Variants in MACF1 observed in about 807,000 individuals in gnomAD.
The protein encoded by MACF1 is microtubule-actin cross-linking factor 1.
A neutral mutation model predicts 854.8 loss-of-function variants in MACF1; 193 were observed. The ratio of observed to expected loss-of-function variants is 0.23; its 90% CI spans 0.20 to 0.25. The LOEUF (loss-of-function observed/expected upper bound fraction) is 0.25, where lower values mean the gene tolerates loss of function less well. MACF1 is among the 10% of genes least tolerant of loss of function. MACF1 has a pLI of 1.00. For synonymous variants in MACF1, 3,185 were observed against 3,226.7 expected (o/e 0.99, Z 0.44); for missense variants, 7,722 against 8,929.1 (o/e 0.86, Z 5.45).
chr1:39,153,320 C>T (rs1366219354), intron 2 of MACF1, among the ~76,000 whole-genome samples: 1 of 152,158 alleles, frequency 6.6e-6, no homozygotes, highest in Admixed American at 6.5e-5. Context: ...GGGCTAGAAT[C>T]TGAGGTCCTA....
At chr1:39,485,514 TG>T in intron 100 of MACF1, 23 bp from the exon 101 acceptor site, 4 of 1,591,064 alleles carry the variant, frequency 2.5e-6, no homozygotes, top group Non-Finnish European at 3.4e-6. Context: ...CTATTAAGTC[TG>T]CTGTTTTATT....
intron 2 of MACF1, among the ~76,000 whole-genome samples, chr1:39,136,074 C>A (rs1242982879): frequency 1.3e-5 from 2 of 152,164 alleles, no homozygotes; most frequent in Non-Finnish European, 2.9e-5. Flanking sequence ...TACACACACA[C>A]AAATATCCCA....
In MACF1 at chr1:39,347,065, A is replaced by T. The variant is rs780741312; in HGVS notation, c.10670A>T (p.Asp3557Val). ...IQFFISEHAQ[D>V]LSPQQNRQML... ...TTCTTTATCTCAGAACATGCCCAGG[A>T]CTTGTCCCCTCAGCAGAATCGACAG... Residue 3557 changes from aspartate to valine, a missense_variant, in exon 41 of 101, where the codon GAC becomes GTC. Physicochemically the swap from Asp to Val is radical, Grantham distance 152. Around this residue, in one of 15 missense-constraint regions of MACF1, gnomAD observed 854 missense variants for 852.6 expected, o/e 1.00. Coordinates refer to ENST00000564288, the MANE Select transcript of MACF1 (RefSeq NM_001394062.1). 6.2e-7 allele frequency: 1 copy of T among 1,614,118 alleles called. No individual in the cohort carries two copies. Among genetic ancestry groups the T allele is most frequent in the Non-Finnish European group, 8.5e-7 (1 of 1,179,976 alleles).
intron 70 of MACF1, 159 bp from the exon 71 acceptor site, chr1:39,437,618 A>G: frequency 1.5e-6 from 1 of 687,498 alleles, no homozygotes; most frequent in Non-Finnish European, 2.6e-6. Context: ...GGCCCAAAAC[A>G]GTTTCTTAAC....
At chr1:39,106,007 G>C (rs775823703) in intron 2 of MACF1, among the ~76,000 whole-genome samples, 1 of 152,240 alleles carries the variant, frequency 6.6e-6, no homozygotes, top group Non-Finnish European at 1.5e-5. Flanking sequence ...CCTGGAGACC[G>C]GCCGCCGTGG....
At chr1:39,234,101 TG>T (rs1297581714) in intron 2 of MACF1, among the ~76,000 whole-genome samples, 68 of 147,882 alleles carry the variant, frequency 4.6e-4, no homozygotes, top group African/African-American at 1.4e-3. Context: ...AGCACAGGGT[TG>T]GGGGTAAGGT....
At chr1:39,307,072 A>T (rs1396740187) in intron 23 of MACF1, among the ~76,000 whole-genome samples, 1 of 151,652 alleles carries the variant, frequency 6.6e-6, no homozygotes, top group Non-Finnish European at 1.5e-5. Context: ...ACAGGGTTTC[A>T]CCATGTTGGC....
chr1:39,459,235 G>C lies in MACF1; in HGVS notation c.21346G>C (p.Asp7116His). 3 of 1,613,466 alleles carry C rather than the reference G, an allele frequency of 1.9e-6. No homozygotes were observed. Among genetic ancestry groups the C allele is most frequent in the Non-Finnish European group, 2.5e-6 (3 of 1,179,740 alleles). The change falls in exon 91 of 101, where the codon GAT becomes CAT. Residue 7116 changes from aspartate (D) to histidine (H), a missense_variant. Physicochemically the swap from Asp to His is moderately conservative, Grantham distance 81. This residue lies in a region of MACF1 where 729 missense variants were observed against 900.5 expected (regional missense o/e 0.81). Transcript: ENST00000564288. ...GCAAAGGAAACTGAATGATGCCTTGGATCGGCTGGAGGAGGTAATGCCCTG... is the reference window on the plus strand; with the variant it reads ...GCAAAGGAAACTGAATGATGCCTTGCATCGGCTGGAGGAGGTAATGCCCTG... ...ERQRKLNDAL[D>H]RLEELKEFAN...
At chr1:39,196,192 G>T (rs371747989) in intron 2 of MACF1, among the ~76,000 whole-genome samples, 1 of 152,160 alleles carries the variant, frequency 6.6e-6, no homozygotes, top group Non-Finnish European at 1.5e-5. Context: ...ATACATAGTA[G>T]TATGGATTTA....
intron 18 of MACF1, among the ~76,000 whole-genome samples, chr1:39,294,208 G>C (rs775453518): frequency 6.6e-6 from 1 of 151,960 alleles, no homozygotes; most frequent in South Asian, 2.1e-4. Context: ...CAATCTCTTC[G>C]TTTGTAAAAA....
rs1646080483 is a variant in MACF1 at position 39,302,928 on chromosome 1, C to G, written c.2639C>G (p.Thr880Ser). 6.2e-7 allele frequency: 1 copy of G among 1,613,620 alleles called. No individual in the cohort carries two copies. Among genetic ancestry groups the G allele is most frequent in the Non-Finnish European group, 8.5e-7 (1 of 1,179,620 alleles). Residue 880 changes from threonine (T) to serine (S), a missense_variant, in exon 23 of 101, where the codon ACT becomes AGT. Thr to Ser is a moderately conservative substitution (Grantham distance 58). Transcript: ENST00000564288. ...AVCDYRQIEITICKNDECVLE... is the reference protein window; with the variant it reads ...AVCDYRQIEISICKNDECVLE... The stretch of plus-strand genomic sequence containing the variant: ...CTGGTAAATTTATCTCTTCAGATTA[C>G]TATTTGCAAAAATGATGAATGTGTG...
At chr1:39,090,734 A>G (rs1328368867) in intron 2 of MACF1, among the ~76,000 whole-genome samples, 1 of 152,236 alleles carries the variant, frequency 6.6e-6, no homozygotes, top group Non-Finnish European at 1.5e-5. Context: ...GTGGAAGGCC[A>G]TCATTTCTCA....
chr1:39,389,005 A>G (rs1369303361), intron 58 of MACF1, among the ~76,000 whole-genome samples: 2 of 150,186 alleles, frequency 1.3e-5, no homozygotes, highest in East Asian at 3.9e-4. Flanking sequence ...CAGTCTCCCA[A>G]GGAGCTGGGA....
intron 2 of MACF1, among the ~76,000 whole-genome samples, chr1:39,092,845 G>T (rs1049649559): frequency 1.3e-5 from 2 of 151,342 alleles, no homozygotes; most frequent in East Asian, 3.9e-4. Flanking sequence ...GTGCTGTGGT[G>T]CCATCTCAGC....
chr1:39,112,324 T>A (rs1383487563), intron 2 of MACF1, among the ~76,000 whole-genome samples: 1 of 152,106 alleles, frequency 6.6e-6, no homozygotes, highest in African/African-American at 2.4e-5. Context: ...GACTTTGTGA[T>A]CTGCCCTCCT....
rs754189940 is a variant in MACF1 at position 39,430,778 on chromosome 1, T to C, written c.17207T>C (p.Leu5736Pro). ...GAGGTGAGCCGTGCTCTCTTAGAGC[T>C]GGTGCCCTGGAGAGCCAGAGAAGGG... ...VNEVSRALLE[L>P]VPWRAREGLD... Residue 5736 changes from leucine to proline, a missense_variant, in exon 66 of 101, where the codon CTG becomes CCG. By Grantham distance (98) the Leu-to-Pro change is moderately conservative. Coordinates refer to ENST00000564288, the MANE Select transcript of MACF1 (RefSeq NM_001394062.1). The C allele has an allele frequency of 9.3e-6, 15 of 1,612,494 alleles. No individual in the cohort carries two copies. In the East Asian group the frequency reaches 3.3e-4, roughly 36 times the overall value.
Position 39,336,047 on chromosome 1 carries a change from G to A in MACF1, c.9459G>A (p.Ser3153=), listed in dbSNP as rs752005407. The A allele has an allele frequency of 1.4e-5, 23 of 1,613,840 alleles. No homozygotes were observed. The highest frequency in any genetic ancestry group is 1.3e-4 in the East Asian group (6 of 44,894). Residue 3153 remains serine, a synonymous_variant, in exon 37 of 101, where the codon TCG becomes TCA. Coordinates refer to ENST00000564288, the MANE Select transcript of MACF1 (RefSeq NM_001394062.1). ...ACTATCAAGATTCCTGGGTTACTTC[G>A]AAAACTAAGGAAACCAAACATCAAA... ...ETNYQDSWVT[S]KTKETKHQIS...
At chr1:39,353,914 A>G (rs1166251429) in intron 44 of MACF1, among the ~76,000 whole-genome samples, 1 of 152,132 alleles carries the variant, frequency 6.6e-6, no homozygotes, top group Non-Finnish European at 1.5e-5. Context: ...GTCTGCTTTC[A>G]CTGTTATTAT....
intron 2 of MACF1, among the ~76,000 whole-genome samples, chr1:39,087,775 A>G (rs1641710127): frequency 6.6e-6 from 1 of 151,636 alleles, no homozygotes; most frequent in South Asian, 2.1e-4. Context: ...GTACATTGCT[A>G]TTTCTTTTTT....
Sources: gnomAD v4.1 joint callset for allele counts (sites outside exome capture counted in the v4.1 genomes callset) on GRCh38, gnomAD v4.1.1 for gene constraint, gnomAD v4.1.1 regional missense constraint, MANE v1.5 for transcripts, NCBI Gene and HGNC (gene_info 2026-07-23, HGNC 2026-07-21) for gene names.